The following NUP88 variants were observed in gnomAD, a reference collection of about 807,000 sequenced individuals.
The protein encoded by NUP88 is nuclear pore complex protein Nup88.
Under a neutral mutation model 93.9 loss-of-function variants are expected in NUP88, and 57 were observed. That is an observed-to-expected ratio of 0.61 (90% CI 0.49 to 0.76). The LOEUF (loss-of-function observed/expected upper bound fraction) is 0.76, where lower values mean the gene tolerates loss of function less well. NUP88 is among the 30% of genes least tolerant of loss of function. The probability of loss-of-function intolerance (pLI) is 0.00; values close to 1 mark genes in which losing one functional copy is unlikely to be tolerated. For missense variants in NUP88, 911 were observed against 901.0 expected (o/e 1.01, Z -0.14); for synonymous variants, 346 against 336.8 (o/e 1.03, Z -0.30).
In NUP88 at chr17:5,406,874, C is replaced by T. The variant is rs573188100; in HGVS notation, c.858-1631G>A. On this transcript the variant is annotated intron_variant, in intron 5 of 16. Coordinates refer to ENST00000573584, the MANE Select transcript of NUP88 (RefSeq NM_002532.6). ...AGGCTGTCCTGGGCTGCGCGCAGCC[C>T]GTGGGTTGGACAAGCTTGGTGTATA... Among the ~76,000 whole-genome samples, 7 of 152,114 alleles carry T rather than the reference C, an allele frequency of 4.6e-5. No individual in the cohort carries two copies. The South Asian group carries it at 1.0e-3, about 23-fold the overall frequency.
rs56658902 is a variant in NUP88, at chr17:5,411,580, C to CAA, written c.594-793_594-792dup. ...TGGGCGACAGAGCGAGACTCCATTT[C>CAA]AAAAAAAAAAAAAAAAACCAAACAA... On this transcript the variant is annotated intron_variant, in intron 3 of 16. Coordinates refer to ENST00000573584, the MANE Select transcript of NUP88 (RefSeq NM_002532.6). Among the ~76,000 whole-genome samples the CAA allele has an allele frequency of 4.8e-3, 529 of 110,148 alleles. 1 individual carries two copies. The highest frequency in any genetic ancestry group is 0.024 in the Middle Eastern group (5 of 210). The allele number at this position is 110,148 out of a possible 152,430, so 72.3% of individuals were successfully genotyped here.
intron 6 of NUP88, among the ~76,000 whole-genome samples, chr17:5,404,481 G>T (rs1218638457): frequency 2.0e-5 from 3 of 152,106 alleles, no homozygotes; most frequent in Non-Finnish European, 4.4e-5. Flanking sequence ...GGGCGTGGTG[G>T]TGGGTGCCTG....
At chr17:5,386,544 C>T in intron 16 of NUP88, 164 bp downstream of exon 16, 1 of 645,042 alleles carries the variant, frequency 1.6e-6, no homozygotes, top group South Asian at 1.9e-5. Context: ...AATCCTCCCA[C>T]CATAGTCATT....
chr17:5,415,031 T>C (rs1245979293), intron 2 of NUP88, among the ~76,000 whole-genome samples: 1 of 151,648 alleles, frequency 6.6e-6, no homozygotes, highest in Non-Finnish European at 1.5e-5. Context: ...TATTTGTTTA[T>C]TTATTTGAGA....
rs1352211274 is a variant in NUP88 at position 5,391,551 on chromosome 17, T to G, written c.1484+10A>C. ...CAAGAGCTGTGTGGAGAATATAAAA[T>G]GGGACGTACAATAACGGCCATATGA... On this transcript the variant is annotated intron_variant, in intron 10 of 16. Transcript: ENST00000573584. The G allele has an allele frequency of 5.6e-6, 9 of 1,600,470 alleles. No homozygotes were observed. The highest frequency in any genetic ancestry group is 6.9e-6 in the Non-Finnish European group (8 of 1,167,672).
chr17:5,413,740 G>A (rs536789506), intron 3 of NUP88, among the ~76,000 whole-genome samples: 83 of 152,286 alleles, frequency 5.5e-4, no homozygotes, highest in African/African-American at 1.9e-3. Context: ...CCAAAAGGGT[G>A]ACAATGATGA....
chr17:5,399,532 C>G lies in NUP88; in HGVS notation c.1291+20G>C, dbSNP rs1555528878. The G allele has an allele frequency of 7.9e-6, 10 of 1,262,962 alleles. No homozygotes were observed. Among genetic ancestry groups the G allele is most frequent in the Non-Finnish European group, 1.1e-6 (1 of 871,162 alleles). 78.2% of individuals were successfully genotyped at this position (1,262,962 alleles called of 1,614,324 possible). A position where few individuals can be genotyped will look rare whatever the true frequency, so the allele number is the denominator to read the frequency against. On this transcript the variant is annotated intron_variant, in intron 8 of 16. Transcript: ENST00000573584. ...TTTCCTCTGAAATCTATTAAAAGTG[C>G]AGAGAGTTAGTAAACTCACCTGATC...
chr17:5,401,106 G>A (rs544967891), intron 7 of NUP88, among the ~76,000 whole-genome samples: 193 of 151,924 alleles, frequency 1.3e-3, no homozygotes, highest in African/African-American at 4.1e-3. Context: ...CTTATTGGCC[G>A]GGTGTGGTGG....
chr17:5,389,700 C>T (rs754887449), intron 10 of NUP88, among the ~76,000 whole-genome samples: 1 of 146,082 alleles, frequency 6.8e-6, no homozygotes, highest in Non-Finnish European at 1.5e-5. Flanking sequence ...CGCCTGAACC[C>T]AGGAGGCGGA....
intron 9 of NUP88, 82 bp downstream of exon 9, chr17:5,394,809 G>A (rs1345476214): frequency 3.3e-6 from 3 of 900,344 alleles, no homozygotes; most frequent in African/African-American, 3.3e-5. Flanking sequence ...TACTGTGGAT[G>A]TGAGTGTAAC....
In NUP88 at chr17:5,413,827, G is replaced by A. The variant is rs538662427; in HGVS notation, c.593+182C>T. Among the ~76,000 whole-genome samples the A allele has an allele frequency of 1.4e-3, 215 of 152,350 alleles. 1 individual carries two copies. Among genetic ancestry groups the A allele is most frequent in the African/African-American group, 4.9e-3 (203 of 41,578 alleles). ...TGGAGGCAGGAAGACTAGTTGAGAA[G>A]GAATAGTGGTAAGTTAGAGCAGTTA... On this transcript the variant is annotated intron_variant, in intron 3 of 16. Coordinates refer to ENST00000573584, the MANE Select transcript of NUP88 (RefSeq NM_002532.6).
intron 8 of NUP88, among the ~76,000 whole-genome samples, chr17:5,397,699 A>G (rs1233157691): frequency 1.3e-5 from 2 of 151,976 alleles, no homozygotes; most frequent in African/African-American, 2.4e-5. Context: ...CAGTAGCAGT[A>G]GAAAGCCAAT....
At chr17:5,408,247 G>C (rs1913609768) in intron 5 of NUP88, among the ~76,000 whole-genome samples, 1 of 152,178 alleles carries the variant, frequency 6.6e-6, no homozygotes, top group Admixed American at 6.5e-5. Flanking sequence ...AGACCTTTAA[G>C]TCACACATGA....
At chr17:5,410,825 A>G in intron 3 of NUP88, 36 bp from the exon 4 acceptor site, 1 of 1,410,618 alleles carries the variant, frequency 7.1e-7, no homozygotes. Context: ...AGCACTTAAA[A>G]TTCTGTTTTC....
At chr17:5,388,015 A>G (rs1346380107) in intron 11 of NUP88, 111 bp from the exon 12 acceptor site, 14 of 1,125,144 alleles carry the variant, frequency 1.2e-5, no homozygotes, top group Non-Finnish European at 1.6e-5. Flanking sequence ...TAATTTATTT[A>G]TTTGAGATGC....
rs1328958397 is a variant in NUP88 at position 5,386,719 on chromosome 17, G to C, written c.2151C>G (p.Ile717Met). ...AAGTATTTACTTACTCCTCTTTCAG[G>C]ATGGACTGAATGCACTTTCGCTGGT... ...SAYQRKCIQS[I>M]LKEEGEHIRE... is the part of the protein sequence containing the mutation. The change falls in exon 16 of 17, where the codon ATC becomes ATG. Residue 717 changes from isoleucine to methionine, a missense_variant. Transcript: ENST00000573584. The C allele has an allele frequency of 1.2e-6, 2 of 1,602,896 alleles. No individual in the cohort carries two copies. Among genetic ancestry groups the C allele is most frequent in the African/African-American group, 2.7e-5 (2 of 74,686 alleles).
intron 10 of NUP88, 67 bp from the exon 11 acceptor site, chr17:5,389,027 A>G: frequency 8.4e-7 from 1 of 1,183,870 alleles, no homozygotes; most frequent in Non-Finnish European, 1.2e-6. Flanking sequence ...GAAAGCAGAA[A>G]CCACATTAAT....
chr17:5,398,496 C>T (rs1318970682), intron 8 of NUP88, among the ~76,000 whole-genome samples: 1 of 151,898 alleles, frequency 6.6e-6, no homozygotes, highest in Non-Finnish European at 1.5e-5. Flanking sequence ...GCCATGTTGA[C>T]TAGACTGTTC....
chr17:5,391,264 A>T (rs560789554), intron 10 of NUP88, among the ~76,000 whole-genome samples: 16 of 152,282 alleles, frequency 1.1e-4, no homozygotes, highest in Non-Finnish European at 2.4e-4. Context: ...CAGCTTGATA[A>T]TTATTACTCA....
Sources: allele counts gnomAD v4.1 joint callset (sites outside exome capture counted in the v4.1 genomes callset), GRCh38; gene constraint gnomAD v4.1.1; transcripts MANE v1.5; gene names NCBI Gene and HGNC (gene_info 2026-07-23, HGNC 2026-07-21).